PRIM2: variants seen among roughly 807,000 people sequenced by gnomAD.
PRIM2 encodes the protein DNA primase subunit 2.
In PRIM2, 39 loss-of-function variants were observed where a neutral mutation model predicts 67.3. The ratio of observed to expected loss-of-function variants is 0.58; its 90% CI spans 0.45 to 0.76. The LOEUF (loss-of-function observed/expected upper bound fraction) is 0.76, where lower values mean the gene tolerates loss of function less well. Among genes scored for constraint, PRIM2 ranks in the 30% least tolerant of loss-of-function variants. The pLI, the probability that PRIM2 is intolerant of heterozygous loss-of-function variation, is 0.00. For synonymous variants in PRIM2, 143 were observed against 198.7 expected (o/e 0.72, Z 2.36); for missense variants, 398 against 598.7 (o/e 0.66, Z 3.50).
At chr6:57,330,555 A>G (rs1241419312) in intron 5 of PRIM2, among the ~76,000 whole-genome samples, 2 of 151,878 alleles carry the variant, frequency 1.3e-5, no homozygotes, top group Non-Finnish European at 2.9e-5. Flanking sequence ...TGGATTCATT[A>G]TGAGATTATG....
In PRIM2 at chr6:57,379,473, G is replaced by T. The variant is rs1581844934; in HGVS notation, c.460-428G>T. On this transcript the variant is annotated intron_variant, in intron 5 of 13. Transcript: ENST00000615550. ...AAACTAGTGTTTTAAGTTTGGAATT[G>T]TCTTATGTGGCTAGAAAATTGAGAA... Among the ~76,000 whole-genome samples the T allele has an allele frequency of 3.3e-5, 5 of 152,152 alleles. No homozygotes were observed. The East Asian group carries it at 9.6e-4, about 29-fold the overall frequency.
chr6:57,253,435 A>C, the PRIM2 span, among the ~76,000 whole-genome samples: 79 of 152,272 alleles, frequency 5.2e-4, no homozygotes, highest in African/African-American at 1.9e-3. Flanking sequence ...GGGCTTGTTA[A>C]TATGCTACTG....
At chr6:57,387,712 AT>A (rs142783340) in intron 7 of PRIM2, among the ~76,000 whole-genome samples, 1 of 151,168 alleles carries the variant, frequency 6.6e-6, no homozygotes, top group Non-Finnish European at 1.5e-5. Context: ...GGAAAGATAG[AT>A]TTTTTTTGCT....
At chr6:57,463,271 C>T (rs924204869) in intron 7 of PRIM2, among the ~76,000 whole-genome samples, 24 of 152,276 alleles carry the variant, frequency 1.6e-4, no homozygotes, top group Middle Eastern at 3.4e-3. Context: ...GCAGGAGGAT[C>T]GCTTGAGGCG....
chr6:57,248,362 C>CCT, the PRIM2 span, among the ~76,000 whole-genome samples: 1 of 152,158 alleles, frequency 6.6e-6, no homozygotes, highest in Non-Finnish European at 1.5e-5. Flanking sequence ...GTCTCATACT[C>CCT]CTTTAACTTT....
intron 10 of PRIM2, among the ~76,000 whole-genome samples, chr6:57,538,333 AG>A (rs1296449475): frequency 1.3e-5 from 2 of 152,162 alleles, no homozygotes; most frequent in African/African-American, 2.4e-5. Flanking sequence ...CCTAGCCTAT[AG>A]AACATTTTTA....
chr6:57,340,120 G>C (rs1441711956), intron 5 of PRIM2, among the ~76,000 whole-genome samples: 1 of 152,106 alleles, frequency 6.6e-6, no homozygotes, highest in African/African-American at 2.4e-5. Flanking sequence ...CATGATCACT[G>C]GCCATCAGAG....
At position 57,558,398 on chromosome 6, in the gene PRIM2, A is replaced by C. The variant is rs1386838586; in HGVS notation, c.1020+20773A>C. Among the ~76,000 whole-genome samples, 215 of 152,176 alleles carry C rather than the reference A, an allele frequency of 1.4e-3. 4 individuals are homozygous for C. The East Asian group carries it at 0.018, about 13-fold the overall frequency. On this transcript the variant is annotated intron_variant, in intron 10 of 13. Transcript: ENST00000615550. Reference sequence around the variant, plus strand: ...TTGAATTGAACCCTGAAGGATGGTAAGATTTGGACATACAGAATTGGGATG... The same window carrying C: ...TTGAATTGAACCCTGAAGGATGGTACGATTTGGACATACAGAATTGGGATG...
intron 2 of PRIM2, among the ~76,000 whole-genome samples, chr6:57,319,564 G>T (rs1035707990): frequency 1.3e-5 from 2 of 152,194 alleles, no homozygotes; most frequent in African/African-American, 4.8e-5. Context: ...ATTGAAAAGT[G>T]TCCCTTGGGT....
intron 7 of PRIM2, among the ~76,000 whole-genome samples, chr6:57,450,643 C>T (rs1233105932): frequency 1.3e-5 from 2 of 152,078 alleles, no homozygotes; most frequent in Non-Finnish European, 2.9e-5. Flanking sequence ...ACATTTGGCC[C>T]GTTAGCCAAG....
intron 5 of PRIM2, among the ~76,000 whole-genome samples, chr6:57,339,712 A>G (rs1581805998): frequency 6.6e-6 from 1 of 152,178 alleles, no homozygotes; most frequent in Non-Finnish European, 1.5e-5. Context: ...AATTCAAGAT[A>G]GATTAAAGAC....
chr6:57,326,922 G>A, intron 5 of PRIM2, among the ~76,000 whole-genome samples: 1 of 113,200 alleles, frequency 8.8e-6, no homozygotes, highest in Non-Finnish European at 1.7e-5. Flanking sequence ...TTTTTTTTGA[G>A]ATGGAGCCTC....
chr6:57,569,659 A>G (rs1232341218), intron 10 of PRIM2, among the ~76,000 whole-genome samples: 9 of 152,186 alleles, frequency 5.9e-5, no homozygotes, highest in African/African-American at 1.9e-4. Flanking sequence ...TAATTAAATG[A>G]GAAAAATATA....
chr6:57,352,304 G>A (rs532407224), intron 5 of PRIM2, among the ~76,000 whole-genome samples: 69 of 151,972 alleles, frequency 4.5e-4, no homozygotes, highest in African/African-American at 1.7e-3. Context: ...GCAATGGCGT[G>A]ATCTCGGCTC....
At chr6:57,588,502 A>G (rs1175990177) in intron 10 of PRIM2, among the ~76,000 whole-genome samples, 10 of 151,254 alleles carry the variant, frequency 6.6e-5, no homozygotes, top group African/African-American at 2.2e-4. Flanking sequence ...AGGAAAATAG[A>G]CAATTCTCTG....
intron 5 of PRIM2, 70 bp downstream of exon 5, chr6:57,326,115 G>C: frequency 6.5e-7 from 1 of 1,542,628 alleles, no homozygotes; most frequent in Non-Finnish European, 8.8e-7. Flanking sequence ...TTAAGTGCTG[G>C]TACTAATGTG....
chr6:57,582,587 A>G (rs1776107474), intron 10 of PRIM2, among the ~76,000 whole-genome samples: 1 of 152,168 alleles, frequency 6.6e-6, no homozygotes, highest in South Asian at 2.1e-4. Flanking sequence ...ATTTCTTTAA[A>G]TAGTAGATAA....
chr6:57,522,815 G>T (rs1774653951), intron 8 of PRIM2, among the ~76,000 whole-genome samples: 1 of 152,146 alleles, frequency 6.6e-6, no homozygotes, highest in Admixed American at 6.5e-5. Context: ...TTGGCTAATG[G>T]ATACTATATA....
chr6:57,558,181 T>C (rs1429982394), intron 10 of PRIM2, among the ~76,000 whole-genome samples: 6 of 152,346 alleles, frequency 3.9e-5, no homozygotes, highest in Non-Finnish European at 7.3e-5. Context: ...GAAGGTTACG[T>C]ATGATAATAA....
Sources: gnomAD v4.1 joint callset for allele counts (sites outside exome capture counted in the v4.1 genomes callset) on GRCh38, gnomAD v4.1.1 for gene constraint, MANE v1.5 for transcripts, NCBI Gene and HGNC (gene_info 2026-07-23, HGNC 2026-07-21) for gene names.